CAST: variants seen among roughly 807,000 people sequenced by gnomAD.
CAST encodes the protein calpastatin.
A neutral mutation model predicts 119.6 loss-of-function variants in CAST; 76 were observed. That is an observed-to-expected ratio of 0.64 (90% CI 0.53 to 0.77). CAST has a LOEUF of 0.77. Ranked by LOEUF, CAST falls within the 30% of genes least tolerant of loss-of-function variation. CAST has a pLI of 0.00. For missense variants in CAST, 953 were observed against 946.5 expected (o/e 1.01, Z -0.09); for synonymous variants, 319 against 331.6 (o/e 0.96, Z 0.41).
intron 1 of CAST, among the ~76,000 whole-genome samples, chr5:96,636,671 TTAAA>T (rs1356129674): frequency 2.0e-5 from 3 of 152,192 alleles, no homozygotes; most frequent in Admixed American, 6.5e-5. Context: ...TGTTGAAATT[TTAAA>T]TGAATGAAAG....
At chr5:96,038,143 G>A in the CAST span, among the ~76,000 whole-genome samples, 1 of 151,988 alleles carries the variant, frequency 6.6e-6, no homozygotes, top group Non-Finnish European at 1.5e-5. Flanking sequence ...GTCATACATA[G>A]GAGCCAACTG....
chr5:96,629,344 A>G (rs551516037), intron 1 of CAST, among the ~76,000 whole-genome samples: 1 of 152,214 alleles, frequency 6.6e-6, no homozygotes, highest in East Asian at 1.9e-4. Context: ...TCTGTTCTAT[A>G]TAAATTCCCC....
At chr5:96,192,191 C>T in the CAST span, among the ~76,000 whole-genome samples, 1 of 152,132 alleles carries the variant, frequency 6.6e-6, no homozygotes, top group Non-Finnish European at 1.5e-5. Flanking sequence ...GAGACAGCAG[C>T]AGCAATTTTT....
At chr5:96,425,614 G>A in the CAST span, among the ~76,000 whole-genome samples, 1 of 151,752 alleles carries the variant, frequency 6.6e-6, no homozygotes, top group African/African-American at 2.4e-5. Flanking sequence ...TTTCACAGCA[G>A]CTAAAGATAT....
the CAST span, chr5:96,397,534 C>CTG: frequency 7.1e-7 from 1 of 1,417,506 alleles, no homozygotes; most frequent in Non-Finnish European, 1.0e-6. Context: ...ACTCTAGCAT[C>CTG]TGATAACTGA....
Position 96,695,750 on chromosome 5 carries a change from A to AATATTTGT in CAST, c.139-83_139-76dup, listed in dbSNP as rs1753206400. 7 of 804,652 alleles carry AATATTTGT rather than the reference A, an allele frequency of 8.7e-6. No individual in the cohort carries two copies. In the South Asian group the frequency reaches 1.2e-4, roughly 14 times the overall value. The allele number at this position is 804,652 out of a possible 1,614,324, so 49.8% of individuals were successfully genotyped here. A position where few individuals can be genotyped will look rare whatever the true frequency, so the allele number is the denominator to read the frequency against. The stretch of plus-strand genomic sequence containing the variant: ...TATTAGTCTGATTTTTGCTTGAGAA[A>AATATTTGT]ATATTTGTATTGATATGTAAGTTTG... On this transcript the variant is annotated intron_variant, in intron 2 of 31. Coordinates refer to ENST00000675179, the MANE Select transcript of CAST (RefSeq NM_001750.7).
the CAST span, among the ~76,000 whole-genome samples, chr5:95,999,713 A>T: frequency 6.6e-6 from 1 of 152,182 alleles, no homozygotes; most frequent in South Asian, 2.1e-4. Context: ...TGCTATGAAC[A>T]TTCTTATGAT....
the CAST span, among the ~76,000 whole-genome samples, chr5:96,062,106 T>C: frequency 6.6e-6 from 1 of 152,114 alleles, no homozygotes; most frequent in Admixed American, 6.6e-5. Context: ...GAAGTCAGCA[T>C]CACTATCCAG....
chr5:96,479,924 C>T, the CAST span, among the ~76,000 whole-genome samples: 22 of 152,040 alleles, frequency 1.4e-4, no homozygotes, highest in Admixed American at 6.6e-5. Context: ...GAGCAGCACA[C>T]GAAGATCCTC....
At chr5:96,431,003 G>T in the CAST span, among the ~76,000 whole-genome samples, 1 of 152,162 alleles carries the variant, frequency 6.6e-6, no homozygotes, top group Non-Finnish European at 1.5e-5. Context: ...AAAGAAGAGA[G>T]ATTTAGTTTT....
chr5:96,437,381 G>A, the CAST span, among the ~76,000 whole-genome samples: 37 of 152,270 alleles, frequency 2.4e-4, no homozygotes, highest in Non-Finnish European at 4.3e-4. Flanking sequence ...AAGTATTTAG[G>A]TTCTTTCTTT....
intron 8 of CAST, 66 bp from the exon 9 acceptor site, chr5:96,730,714 C>A: frequency 8.5e-7 from 1 of 1,178,874 alleles, no homozygotes; most frequent in South Asian, 1.2e-5. Context: ...ATTTGAAACT[C>A]ATGATCTTGA....
chr5:96,590,844 A>G (rs1411533882), intron 1 of CAST, among the ~76,000 whole-genome samples: 1 of 152,252 alleles, frequency 6.6e-6, no homozygotes, highest in Non-Finnish European at 1.5e-5. Flanking sequence ...ATGATTCGTC[A>G]ATTAAAAATA....
At chr5:96,428,908 T>C in the CAST span, among the ~76,000 whole-genome samples, 1 of 152,154 alleles carries the variant, frequency 6.6e-6, no homozygotes, top group Admixed American at 6.5e-5. Context: ...AATATTCACT[T>C]TCATGCTCTT....
chr5:96,040,420 G>A, the CAST span, among the ~76,000 whole-genome samples: 4 of 152,178 alleles, frequency 2.6e-5, no homozygotes, highest in East Asian at 3.8e-4. Context: ...TTGAATAGGA[G>A]TGGTGAGAGA....
At chr5:96,031,041 T>C in the CAST span, among the ~76,000 whole-genome samples, 7 of 152,092 alleles carry the variant, frequency 4.6e-5, no homozygotes, top group African/African-American at 1.4e-4. Context: ...CCCAAATGAG[T>C]GTACCATGAT....
intron 2 of CAST, among the ~76,000 whole-genome samples, chr5:96,688,730 G>GT (rs1752365623): frequency 1.3e-5 from 2 of 152,086 alleles, no homozygotes; most frequent in South Asian, 4.1e-4. Context: ...AGGATTTTAA[G>GT]TAATTATTAT....
chr5:96,524,783 GCAGA>G (rs1233176275), upstream of CAST, among the ~76,000 whole-genome samples: 4 of 152,180 alleles, frequency 2.6e-5, no homozygotes, highest in African/African-American at 9.7e-5. Context: ...ACCACCACAG[GCAGA>G]CAGAAGCTTA....
Position 96,774,506 on chromosome 5 carries a change from TA to T in CAST, c.*1891del. Reference sequence around the variant, plus strand: ...CACTTAGAGGCAAAGAACAATTTTTTATTATCAAAAAGGTTTCTGCACATTG... The same window carrying T: ...CACTTAGAGGCAAAGAACAATTTTTTTTATCAAAAAGGTTTCTGCACATTG... On this transcript the variant is annotated 3_prime_UTR_variant, in exon 32 of 32. Transcript: ENST00000675179. 9.1e-6 allele frequency: 9 copies of T among 984,094 alleles called. No homozygotes were observed. The highest frequency in any genetic ancestry group is 1.1e-5 in the Non-Finnish European group (9 of 827,408). 61.0% of individuals were successfully genotyped at this position (984,094 alleles called of 1,614,324 possible). A position where few individuals can be genotyped will look rare whatever the true frequency, so the allele number is the denominator to read the frequency against.
Sources: gnomAD v4.1 joint callset for allele counts (sites outside exome capture counted in the v4.1 genomes callset) on GRCh38, gnomAD v4.1.1 for gene constraint, MANE v1.5 for transcripts, NCBI Gene and HGNC (gene_info 2026-07-23, HGNC 2026-07-21) for gene names.